The following ADAM12 variants were observed in gnomAD, a reference collection of about 807,000 sequenced individuals.
ADAM12 encodes ADAM metallopeptidase domain 12.
ADAM12 carries 70 observed loss-of-function variants against 106.4 expected under a neutral mutation model. That is an observed-to-expected ratio of 0.66 (90% CI 0.54 to 0.80). ADAM12 has a LOEUF of 0.80. ADAM12 is among the 30% of genes least tolerant of loss of function. The probability of loss-of-function intolerance (pLI) is 0.00; values close to 1 mark genes in which losing one functional copy is unlikely to be tolerated. For synonymous variants in ADAM12, 420 were observed against 433.5 expected (o/e 0.97, Z 0.39); for missense variants, 1,010 against 1,171.9 (o/e 0.86, Z 2.02).
intron 5 of ADAM12, among the ~76,000 whole-genome samples, chr10:126,121,131 CTATATACTA>C (rs372964268): frequency 0.047 from 3,804 of 81,336 alleles, 261 homozygotes; most frequent in East Asian, 0.2. Context: ...AGTATATATA[CTATATACTA>C]TATATACTAT....
intron 3 of ADAM12, among the ~76,000 whole-genome samples, chr10:126,213,130 A>C (rs1957931099): frequency 6.6e-6 from 1 of 152,218 alleles, no homozygotes; most frequent in Admixed American, 6.5e-5. Flanking sequence ...TGCTCAATAA[A>C]TACCTGTAGA....
At chr10:126,329,549 A>C (rs1014198670) in intron 2 of ADAM12, among the ~76,000 whole-genome samples, 7 of 152,216 alleles carry the variant, frequency 4.6e-5, no homozygotes, top group Non-Finnish European at 7.3e-5. Context: ...ACAAAGTTAG[A>C]AAAAATGTGC....
chr10:126,118,368 T>G (rs1180587755), intron 5 of ADAM12, 144 bp from the exon 6 acceptor site: 1 of 642,436 alleles, frequency 1.6e-6, no homozygotes, highest in Non-Finnish European at 2.6e-6. Context: ...GAAAGGACGT[T>G]TCTGTGACAT....
chr10:126,297,677 T>C (rs113691701), intron 2 of ADAM12, among the ~76,000 whole-genome samples: 82 of 152,326 alleles, frequency 5.4e-4, no homozygotes, highest in African/African-American at 1.9e-3. Flanking sequence ...TAGACCTAAC[T>C]TCCCACTAAA....
chr10:126,209,882 T>C (rs1957867735), intron 3 of ADAM12, among the ~76,000 whole-genome samples: 1 of 152,178 alleles, frequency 6.6e-6, no homozygotes, highest in Admixed American at 6.5e-5. Flanking sequence ...CATGAAAAGC[T>C]CAAGATACAG....
intron 3 of ADAM12, among the ~76,000 whole-genome samples, chr10:126,200,830 T>C (rs1386176491): frequency 6.9e-6 from 1 of 145,586 alleles, no homozygotes; most frequent in Non-Finnish European, 1.5e-5. Flanking sequence ...CGTTGGAGAG[T>C]TGTTAGGACT....
intron 3 of ADAM12, among the ~76,000 whole-genome samples, chr10:126,207,196 T>C (rs1231946377): frequency 6.6e-6 from 1 of 152,098 alleles, no homozygotes; most frequent in African/African-American, 2.4e-5. Context: ...CAGATGAGCA[T>C]CTTGAGATCA....
chr10:126,149,707 A>G (rs1956695498), intron 4 of ADAM12, among the ~76,000 whole-genome samples: 1 of 152,170 alleles, frequency 6.6e-6, no homozygotes, highest in Non-Finnish European at 1.5e-5. Context: ...GCCCTTGAAC[A>G]TCGGACTTCA....
intron 1 of ADAM12, among the ~76,000 whole-genome samples, chr10:126,358,857 T>C (rs1855641649): frequency 6.6e-6 from 1 of 152,080 alleles, no homozygotes; most frequent in African/African-American, 2.4e-5. Context: ...AAAAAGAGAC[T>C]CTTCAAAAAA....
Position 126,388,282 on chromosome 10 carries a change from G to T in ADAM12, c.-137C>A. 1 of 1,140,002 alleles carries T rather than the reference G, an allele frequency of 8.8e-7. No homozygotes were observed. The highest frequency in any genetic ancestry group is 1.1e-6 in the Non-Finnish European group (1 of 918,500). The allele number at this position is 1,140,002 out of a possible 1,614,324, so 70.6% of individuals were successfully genotyped here. ...GGCGAGTCAGCTCCGGAGCCCTCGC[G>T]CAGCGCCCGCGCCGCCGCTGAGCTC... On this transcript the variant is annotated 5_prime_UTR_variant, in exon 1 of 23. Transcript: ENST00000448723. The surrounding 1 kb of genome is among the most constrained non-coding windows in gnomAD (Gnocchi z 4.4).
rs112259796 is a variant in ADAM12 at position 126,243,727 on chromosome 10, T to C, written c.260+35188A>G. On this transcript the variant is annotated intron_variant, in intron 3 of 22. Transcript: ENST00000448723. ...GCATACCCTGCTTTGTAGGTGTTTA[T>C]ACGCAACTATCTAGACATTTTAGAG... Among the ~76,000 whole-genome samples, 785 of 152,346 alleles carry C rather than the reference T, an allele frequency of 5.2e-3. 6 individuals are homozygous for C. Among genetic ancestry groups the C allele is most frequent in the Non-Finnish European group, 8.4e-3 (573 of 68,036 alleles).
intron 8 of ADAM12, among the ~76,000 whole-genome samples, chr10:126,107,713 T>C (rs73378631): frequency 0.025 from 3,795 of 152,222 alleles, 126 homozygotes; most frequent in East Asian, 0.071. Context: ...ACCATCCACA[T>C]TGCACATGAG....
chr10:126,242,092 G>A (rs1050930451), intron 3 of ADAM12, among the ~76,000 whole-genome samples: 6 of 151,542 alleles, frequency 4.0e-5, no homozygotes, highest in African/African-American at 1.5e-4. Flanking sequence ...CTATGTTTCT[G>A]AAAAATTGCA....
intron 1 of ADAM12, among the ~76,000 whole-genome samples, chr10:126,383,458 A>C (rs905841532): frequency 3.3e-5 from 5 of 152,172 alleles, no homozygotes; most frequent in African/African-American, 4.8e-5. Context: ...GAACGAATAT[A>C]AGAAAGTATA....
At chr10:126,131,539 A>C (rs1281151681) in intron 5 of ADAM12, among the ~76,000 whole-genome samples, 1 of 152,190 alleles carries the variant, frequency 6.6e-6, no homozygotes. Context: ...GATCAGGCTT[A>C]GATGAGATCA....
At chr10:126,289,586 G>C (rs1960051824) in intron 2 of ADAM12, among the ~76,000 whole-genome samples, 1 of 152,226 alleles carries the variant, frequency 6.6e-6, no homozygotes, top group Admixed American at 6.5e-5. Context: ...ACCACCCCAG[G>C]TCTTGGAACA....
intron 3 of ADAM12, among the ~76,000 whole-genome samples, chr10:126,261,714 T>G (rs1959004170): frequency 6.6e-6 from 1 of 151,884 alleles, no homozygotes; most frequent in Non-Finnish European, 1.5e-5. Context: ...CATCAAGCAC[T>G]TCAATGTCCA....
At chr10:126,118,792 C>A (rs113794344) in intron 5 of ADAM12, among the ~76,000 whole-genome samples, 2 of 152,124 alleles carry the variant, frequency 1.3e-5, no homozygotes, top group East Asian at 3.9e-4. Flanking sequence ...TCTCCAATGT[C>A]CATTATATTA....
chr10:126,149,464 T>C (rs543949206), intron 4 of ADAM12, among the ~76,000 whole-genome samples: 1 of 152,270 alleles, frequency 6.6e-6, no homozygotes, highest in Admixed American at 6.5e-5. Flanking sequence ...AGTGTCAACT[T>C]GATTGGATTG....
Sources: gnomAD v4.1 joint callset for allele counts (sites outside exome capture counted in the v4.1 genomes callset) on GRCh38, gnomAD v4.1.1 for gene constraint, Gnocchi (gnomAD v3.1) non-coding constraint, MANE v1.5 for transcripts, NCBI Gene and HGNC (gene_info 2026-07-23, HGNC 2026-07-21) for gene names.